The following ADGRB3 variants were observed in gnomAD, a reference collection of about 807,000 sequenced individuals.
ADGRB3 encodes brain-specific angiogenesis inhibitor 3.
In ADGRB3, 37 loss-of-function variants were observed where a neutral mutation model predicts 193.4. That is an observed-to-expected ratio of 0.19 (90% CI 0.15 to 0.25). ADGRB3 has a LOEUF of 0.25. ADGRB3 is among the 10% of genes least tolerant of loss of function. The pLI, the probability that ADGRB3 is intolerant of heterozygous loss-of-function variation, is 1.00. For synonymous variants in ADGRB3, 690 were observed against 644.2 expected (o/e 1.07, Z -1.08); for missense variants, 1,637 against 1,852.9 (o/e 0.88, Z 2.14).
At chr6:68,905,640 C>T (rs1766522513) in intron 3 of ADGRB3, among the ~76,000 whole-genome samples, 1 of 152,120 alleles carries the variant, frequency 6.6e-6, no homozygotes, top group Admixed American at 6.6e-5. Context: ...CCATGACCTC[C>T]ATCTTCAATT....
intron 11 of ADGRB3, among the ~76,000 whole-genome samples, chr6:69,000,746 T>G (rs926706073): frequency 1.2e-4 from 18 of 152,348 alleles, no homozygotes; most frequent in Middle Eastern, 6.8e-3. Context: ...TTTTACCACT[T>G]TGTGCATGTC....
At chr6:68,970,772 AT>A (rs1562105208) in intron 8 of ADGRB3, among the ~76,000 whole-genome samples, 1 of 152,258 alleles carries the variant, frequency 6.6e-6, no homozygotes, top group Non-Finnish European at 1.5e-5. Flanking sequence ...AGGTAAGTGC[AT>A]GAAATAACCA....
intron 20 of ADGRB3, among the ~76,000 whole-genome samples, chr6:69,309,760 C>A (rs1476406492): frequency 6.6e-6 from 1 of 151,590 alleles, no homozygotes; most frequent in African/African-American, 2.4e-5. Context: ...TAATTGAATT[C>A]TCTTTCTTCT....
intron 4 of ADGRB3, among the ~76,000 whole-genome samples, chr6:68,934,459 C>A (rs1329732959): frequency 6.6e-6 from 1 of 152,180 alleles, no homozygotes; most frequent in Non-Finnish European, 1.5e-5. Context: ...ATTATGTTTT[C>A]TGTCATTATG....
intron 17 of ADGRB3, among the ~76,000 whole-genome samples, chr6:69,149,186 G>A (rs1434196209): frequency 1.3e-5 from 2 of 151,886 alleles, no homozygotes; most frequent in Non-Finnish European, 2.9e-5. Flanking sequence ...CTCTTTTGGG[G>A]TGATTTTCTA....
chr6:69,053,333 A>T (rs143244477), intron 15 of ADGRB3, among the ~76,000 whole-genome samples: 1 of 152,182 alleles, frequency 6.6e-6, no homozygotes, highest in African/African-American at 2.4e-5. Context: ...TAGGTAACTG[A>T]GTTATAATAC....
intron 11 of ADGRB3, among the ~76,000 whole-genome samples, chr6:69,009,991 A>T (rs1186447165): frequency 6.6e-6 from 1 of 152,134 alleles, no homozygotes; most frequent in Admixed American, 6.6e-5. Context: ...GTAAAAACAG[A>T]ATTTTTTATT....
intron 17 of ADGRB3, among the ~76,000 whole-genome samples, chr6:69,115,626 T>G (rs892097484): frequency 6.6e-6 from 1 of 152,092 alleles, no homozygotes; most frequent in Non-Finnish European, 1.5e-5. Flanking sequence ...AAGAAATAAA[T>G]AAAATTGGCA....
At chr6:69,121,288 A>G (rs1028618240) in intron 17 of ADGRB3, among the ~76,000 whole-genome samples, 3 of 152,156 alleles carry the variant, frequency 2.0e-5, no homozygotes, top group Non-Finnish European at 4.4e-5. Flanking sequence ...CCCTGAGTTG[A>G]CACAGCACAT....
At chr6:69,376,720 A>T (rs780837516) in intron 30 of ADGRB3, among the ~76,000 whole-genome samples, 2 of 152,106 alleles carry the variant, frequency 1.3e-5, no homozygotes, top group African/African-American at 4.8e-5. Context: ...TGTCTTGTTC[A>T]TAACAGACTT....
At chr6:69,052,010 C>T (rs992144294) in intron 15 of ADGRB3, among the ~76,000 whole-genome samples, 1 of 152,172 alleles carries the variant, frequency 6.6e-6, no homozygotes, top group Non-Finnish European at 1.5e-5. Flanking sequence ...CCTGCCTCAG[C>T]CTCCTGAATA....
intron 17 of ADGRB3, among the ~76,000 whole-genome samples, chr6:69,157,926 G>A (rs1774889417): frequency 6.6e-6 from 1 of 152,072 alleles, no homozygotes; most frequent in Non-Finnish European, 1.5e-5. Flanking sequence ...ATTAAGAGTT[G>A]TTTTTAAGTG....
At chr6:68,719,227 T>C (rs1765534413) in intron 3 of ADGRB3, among the ~76,000 whole-genome samples, 2 of 151,760 alleles carry the variant, frequency 1.3e-5, no homozygotes, top group African/African-American at 4.8e-5. Context: ...AGTGCTTCAA[T>C]AGAACCTTCT....
At chr6:69,127,990 A>T (rs548485635) in intron 17 of ADGRB3, among the ~76,000 whole-genome samples, 13 of 152,150 alleles carry the variant, frequency 8.5e-5, no homozygotes, top group African/African-American at 3.1e-4. Flanking sequence ...CACTAAAGCC[A>T]TCTCTCTCGA....
Position 69,076,026 on chromosome 6 carries a change from A to G in ADGRB3, c.2468A>G (p.Asp823Gly), listed in dbSNP as rs777688268. ...TTGAATCCCTATTGTGTATTGTGGG[A>G]TGACTCCAAAACGTAAGTGACAGAT... ...GTLNPYCVLW[D>G]DSKTNESLGT... Residue 823 changes from aspartate (D) to glycine (G), a missense_variant, in exon 17 of 32, where the codon GAT (aspartate) becomes GGT (glycine). Asp to Gly is a moderately conservative substitution (Grantham distance 94, BLOSUM62 -1). Around this residue, in one of 7 missense-constraint regions of ADGRB3, gnomAD observed 641 missense variants for 673.9 expected, o/e 0.95. Transcript: ENST00000370598. 1.2e-6 allele frequency: 2 copies of G among 1,611,770 alleles called. No individual in the cohort carries two copies. Among genetic ancestry groups the G allele is most frequent in the Non-Finnish European group, 1.7e-6 (2 of 1,178,942 alleles).
chr6:68,897,244 C>T (rs890732378), intron 3 of ADGRB3, among the ~76,000 whole-genome samples: 1 of 151,658 alleles, frequency 6.6e-6, no homozygotes, highest in African/African-American at 2.4e-5. Flanking sequence ...CCTGCAATGC[C>T]AGCATTTTGG....
At chr6:68,857,898 G>T (rs1765032691) in intron 3 of ADGRB3, among the ~76,000 whole-genome samples, 1 of 152,038 alleles carries the variant, frequency 6.6e-6, no homozygotes, top group Non-Finnish European at 1.5e-5. Context: ...TATGTGGGTG[G>T]GTCTTTCTTG....
chr6:69,217,332 T>TA (rs1201038615), intron 17 of ADGRB3, among the ~76,000 whole-genome samples: 3 of 152,148 alleles, frequency 2.0e-5, no homozygotes, highest in African/African-American at 7.2e-5. Context: ...CTGCCCTTTT[T>TA]ACCCCAAGCC....
chr6:68,812,738 A>C (rs1177372717), intron 3 of ADGRB3, among the ~76,000 whole-genome samples: 4 of 151,200 alleles, frequency 2.6e-5, no homozygotes, highest in African/African-American at 9.8e-5. Flanking sequence ...GGTTTGTTAC[A>C]TAGTTATACA....
Sources: allele counts gnomAD v4.1 joint callset (sites outside exome capture counted in the v4.1 genomes callset), GRCh38; gene constraint gnomAD v4.1.1; regional missense constraint gnomAD v4.1.1; transcripts MANE v1.5; gene names NCBI Gene and HGNC (gene_info 2026-07-23, HGNC 2026-07-21).